The following SGF29 variants were observed in gnomAD, a reference collection of about 807,000 sequenced individuals.
SGF29 encodes SAGA-associated factor 29.
Under a neutral mutation model 38.1 loss-of-function variants are expected in SGF29, and 15 were observed. That is an observed-to-expected ratio of 0.39 (90% CI 0.26 to 0.61). The LOEUF (loss-of-function observed/expected upper bound fraction) is 0.61, where lower values mean the gene tolerates loss of function less well. SGF29 is among the 20% of genes least tolerant of loss of function. The pLI, the probability that SGF29 is intolerant of heterozygous loss-of-function variation, is 0.49. For synonymous variants in SGF29, 151 were observed against 160.8 expected, an observed-to-expected ratio of 0.94 and a Z score of 0.46; for missense variants, 184 against 394.6, an observed-to-expected ratio of 0.47 and a Z score of 4.52.
intron 1 of SGF29, among the ~76,000 whole-genome samples, chr16:28,561,171 C>T (rs1021009684): frequency 1.3e-5 from 2 of 152,060 alleles, no homozygotes; most frequent in South Asian, 2.1e-4. Context: ...TCGGGAGGAT[C>T]GCCTGAGCCC....
At chr16:28,576,252 C>T (rs1031398241) in intron 1 of SGF29, among the ~76,000 whole-genome samples, 4 of 151,912 alleles carry the variant, frequency 2.6e-5, no homozygotes, top group East Asian at 3.9e-4. Flanking sequence ...AGACACTGGG[C>T]GGGGAGGGTA....
chr16:28,564,596 C>CAT lies in SGF29; in HGVS notation c.-16+10504_-16+10505dup, dbSNP rs538810479. Among the ~76,000 whole-genome samples, 481 of 109,080 alleles carry CAT rather than the reference C, an allele frequency of 4.4e-3. 3 individuals carry two copies. Among genetic ancestry groups the CAT allele is most frequent in the Non-Finnish European group, 7.5e-3 (406 of 54,238 alleles). The allele number at this position is 109,080 out of a possible 152,430, so 71.6% of individuals were successfully genotyped here. On this transcript the variant is annotated intron_variant, in intron 1 of 9. Transcript: ENST00000317058. ...ATATATACACGTATATATATACACA[C>CAT]ATATATGTGTATATATATACATATA... is the stretch of plus-strand genomic sequence containing the variant.
chr16:28,564,703 A>ACACG (rs2046820631), intron 1 of SGF29, among the ~76,000 whole-genome samples: 1 of 80,280 alleles, frequency 1.2e-5, no homozygotes, highest in Non-Finnish European at 2.4e-5. Flanking sequence ...ATATGTATAT[A>ACACG]TATACATATA....
intron 1 of SGF29, among the ~76,000 whole-genome samples, chr16:28,578,810 C>T (rs1229257793): frequency 6.6e-6 from 1 of 151,900 alleles, no homozygotes; most frequent in African/African-American, 2.4e-5. Context: ...GGCAAGGTGG[C>T]GGGTGCCTGT....
At chr16:28,567,585 A>G (rs1331582456) in intron 1 of SGF29, among the ~76,000 whole-genome samples, 1 of 152,238 alleles carries the variant, frequency 6.6e-6, no homozygotes, top group East Asian at 1.9e-4. Flanking sequence ...TGACGTTCAT[A>G]CTAGAAAAGG....
chr16:28,564,628 T>TGC (rs2046816750), intron 1 of SGF29, among the ~76,000 whole-genome samples: 1 of 128,762 alleles, frequency 7.8e-6, no homozygotes, highest in African/African-American at 2.9e-5. Context: ...TATATGCATA[T>TGC]ATATACGTAT....
At chr16:28,587,926 A>G (rs2046964324) in intron 4 of SGF29, among the ~76,000 whole-genome samples, 2 of 152,054 alleles carry the variant, frequency 1.3e-5, no homozygotes, top group Non-Finnish European at 1.5e-5. Context: ...CAGCCTCCCA[A>G]GTAGCTGGGA....
Position 28,576,560 on chromosome 16 carries a change from C to T in SGF29, c.-15-4495C>T, listed in dbSNP as rs542086770. 7.2e-4 allele frequency among the ~76,000 whole-genome samples: 110 copies of T among 152,004 alleles called. 1 individual carries two copies. Among genetic ancestry groups the T allele is most frequent in the African/African-American group, 2.6e-3 (106 of 41,484 alleles). ...TACTAAAAATACAAAAAGTAGCCAG[C>T]GTGGTGATGGGTGCCTGTAATCCCA... On this transcript the variant is annotated intron_variant, in intron 1 of 9. Coordinates refer to ENST00000317058, the MANE Select transcript of SGF29 (RefSeq NM_138414.3).
chr16:28,562,866 T>C (rs1411843431), intron 1 of SGF29, among the ~76,000 whole-genome samples: 1 of 132,584 alleles, frequency 7.5e-6, no homozygotes, highest in Non-Finnish European at 1.5e-5. Context: ...ATTGGGCCAC[T>C]GCACTCCAGC....
At chr16:28,583,274 C>T (rs1246212736) in intron 2 of SGF29, among the ~76,000 whole-genome samples, 1 of 152,246 alleles carries the variant, frequency 6.6e-6, no homozygotes, top group Non-Finnish European at 1.5e-5. Context: ...TTCTCCTCTC[C>T]ATTTGTGATT....
chr16:28,585,821 A>G, intron 4 of SGF29, 101 bp downstream of exon 4: 1 of 1,105,992 alleles, frequency 9.0e-7, no homozygotes, highest in South Asian at 1.3e-5. Context: ...CCTCCCATGG[A>G]TAAGCTGATT....
intron 1 of SGF29, among the ~76,000 whole-genome samples, chr16:28,574,577 TCTCCTGCCCTG>T (rs1390455865): frequency 6.6e-6 from 1 of 152,136 alleles, no homozygotes; most frequent in Non-Finnish European, 1.5e-5. Flanking sequence ...GGGAGAGCCC[TCTCCTGCCCTG>T]CTCCTGCCTG....
chr16:28,564,449 A>G (rs1043002511), intron 1 of SGF29, among the ~76,000 whole-genome samples: 1 of 149,350 alleles, frequency 6.7e-6, no homozygotes, highest in Non-Finnish European at 1.5e-5. Flanking sequence ...GGTTAGAGAC[A>G]CTGGGGAGCG....
intron 2 of SGF29, among the ~76,000 whole-genome samples, chr16:28,583,710 G>T (rs1378152908): frequency 2.0e-5 from 3 of 152,088 alleles, no homozygotes; most frequent in African/African-American, 7.2e-5. Context: ...GATCATACCT[G>T]TATGTGTCTA....
intron 2 of SGF29, among the ~76,000 whole-genome samples, chr16:28,581,468 A>C (rs1174658491): frequency 1.3e-5 from 2 of 152,132 alleles, no homozygotes; most frequent in Admixed American, 6.6e-5. Flanking sequence ...CAATTTCAGA[A>C]CATTTTTAAC....
Position 28,590,031 on chromosome 16 carries a change from A to G in SGF29, c.290-65A>G. Reference sequence around the variant, plus strand: ...AGGTGCTCCTTCAACAGCTCAGTGCAGCATGCTCGGGGGTCAAGGCCGGCA... The same window carrying G: ...AGGTGCTCCTTCAACAGCTCAGTGCGGCATGCTCGGGGGTCAAGGCCGGCA... On this transcript the variant is annotated intron_variant, in intron 5 of 9. Transcript: ENST00000317058. The surrounding 1 kb of genome is among the most constrained non-coding windows in gnomAD (Gnocchi z 8.2). The G allele has an allele frequency of 1.3e-6, 2 of 1,553,362 alleles. No homozygotes were observed. The highest frequency in any genetic ancestry group is 8.7e-7 in the Non-Finnish European group (1 of 1,151,354).
rs1453271369 is a variant in SGF29, at chr16:28,590,329, A to G, written c.453A>G (p.Ser151=). 1.2e-6 allele frequency: 2 copies of G among 1,612,614 alleles called. No individual in the cohort carries two copies. Among genetic ancestry groups the G allele is most frequent in the Non-Finnish European group, 1.7e-6 (2 of 1,179,336 alleles). ...PPPLCGAIPA[S]GDYVARPGDK... The stretch of plus-strand genomic sequence containing the variant: ...CCCTCTGTGGGGCCATCCCTGCCTC[A>G]GGAGACTACGTGGCCAGACCTGGAG... Residue 151 remains serine, a synonymous_variant, in exon 7 of 10, where the codon TCA becomes TCG. Coordinates refer to ENST00000317058, the MANE Select transcript of SGF29 (RefSeq NM_138414.3). The surrounding 1 kb of genome is among the most constrained non-coding windows in gnomAD (Gnocchi z 8.2).
intron 1 of SGF29, among the ~76,000 whole-genome samples, chr16:28,567,213 T>C (rs2151644880): frequency 6.6e-6 from 1 of 152,340 alleles, no homozygotes; most frequent in African/African-American, 2.4e-5. Flanking sequence ...GGGTCTTTTC[T>C]GGATAGAGAT....
intron 5 of SGF29, 59 bp downstream of exon 5, chr16:28,589,223 G>T: frequency 1.3e-6 from 2 of 1,584,886 alleles, no homozygotes; most frequent in South Asian, 1.1e-5. Context: ...GAGGCCCTGC[G>T]GGCAGCAGTC....
Sources: gnomAD v4.1 joint callset for allele counts (sites outside exome capture counted in the v4.1 genomes callset) on GRCh38, gnomAD v4.1.1 for gene constraint, Gnocchi (gnomAD v3.1) non-coding constraint, MANE v1.5 for transcripts, NCBI Gene and HGNC (gene_info 2026-07-23, HGNC 2026-07-21) for gene names.